PHYKPL: variants seen among roughly 807,000 people sequenced by gnomAD.
The protein encoded by PHYKPL is 5-phosphohydroxy-L-lysine phospho-lyase, also known as 5-phosphonooxy-L-lysine phospho-lyase.
Under a neutral mutation model 51.3 loss-of-function variants are expected in PHYKPL, and 42 were observed. The observed-to-expected ratio is 0.82, with a 90% CI of 0.64 to 1.06. PHYKPL has a LOEUF of 1.06. Ranked by LOEUF, PHYKPL falls within the 50% of genes least tolerant of loss-of-function variation. The pLI, the probability that PHYKPL is intolerant of heterozygous loss-of-function variation, is 0.00. For synonymous variants in PHYKPL, 264 were observed against 236.0 expected (o/e 1.12, Z -1.09); for missense variants, 655 against 586.6 (o/e 1.12, Z -1.20).
At chr5:178,217,226 ATT>A (rs58049202) in intron 8 of PHYKPL, among the ~76,000 whole-genome samples, 33 of 143,634 alleles carry the variant, frequency 2.3e-4, no homozygotes, top group African/African-American at 4.6e-4. Flanking sequence ...GGCTCAACAG[ATT>A]TTTTTTTTTT....
chr5:178,232,045 T>C, intron 1 of PHYKPL: 1 of 1,191,594 alleles, frequency 8.4e-7, no homozygotes, highest in Non-Finnish European at 1.1e-6. Flanking sequence ...GTGCTGCCTG[T>C]GAACCGACTC....
intron 6 of PHYKPL, 103 bp from the exon 7 acceptor site, chr5:178,223,037 T>A (rs1761516206): frequency 9.2e-7 from 1 of 1,088,528 alleles, no homozygotes; most frequent in African/African-American, 1.5e-5. Flanking sequence ...CAAGTCACCA[T>A]CAGTGCTGCA....
At chr5:178,224,892 G>C (rs1293503934) in intron 4 of PHYKPL, 163 bp from the exon 5 acceptor site, 1 of 598,118 alleles carries the variant, frequency 1.7e-6, no homozygotes, top group Non-Finnish European at 3.0e-6. Flanking sequence ...TTTGGAGTCA[G>C]CAACAATTCT....
At chr5:178,207,540 A>G (rs370285790), downstream of PHYKPL, among the ~76,000 whole-genome samples, 1 of 152,142 alleles carries the variant, frequency 6.6e-6, no homozygotes, top group East Asian at 1.9e-4. Flanking sequence ...TCTTGAGTCC[A>G]GGGGTATGAA....
At chr5:178,230,930 T>TG (rs1243920541) in intron 2 of PHYKPL, 1 of 155,390 alleles carries the variant, frequency 6.4e-6, no homozygotes. Flanking sequence ...TGCTTTTTTT[T>TG]TTTTTTTAAC....
At chr5:178,218,792 GT>G (rs1338623388) in intron 8 of PHYKPL, among the ~76,000 whole-genome samples, 2 of 152,182 alleles carry the variant, frequency 1.3e-5, no homozygotes, top group Non-Finnish European at 2.9e-5. Context: ...TTATAGGTGA[GT>G]TTTTACCTTC....
intron 9 of PHYKPL, 77 bp downstream of exon 9, chr5:178,215,199 G>C: frequency 8.1e-6 from 13 of 1,596,948 alleles, no homozygotes; most frequent in Non-Finnish European, 1.1e-5. Flanking sequence ...ACCATCCCAG[G>C]TTGTTAGGAG....
At position 178,231,499 on chromosome 5, in the gene PHYKPL, G is replaced by C; in HGVS notation, c.84C>G (p.Pro28=). 2 of 1,614,080 alleles carry C rather than the reference G, an allele frequency of 1.2e-6. No individual in the cohort carries two copies. Among genetic ancestry groups the C allele is most frequent in the Non-Finnish European group, 8.5e-7 (1 of 1,179,996 alleles). Residue 28 remains proline, a synonymous_variant, in exon 2 of 13, where the codon CCC becomes CCG. Coordinates refer to ENST00000308158, the MANE Select transcript of PHYKPL (RefSeq NM_153373.4). ...CCCGGACAATCTTAACAGGATCCTC[G>C]GGAAAAAAGAGTCTGCAGGAAGAGC... The part of the protein sequence containing the change: ...LISSSCRLFF[P]EDPVKIVRAQ...
chr5:178,229,811 G>T (rs1292249201), intron 3 of PHYKPL, 129 bp downstream of exon 3: 1 of 1,182,492 alleles, frequency 8.5e-7, no homozygotes, highest in Non-Finnish European at 1.2e-6. Flanking sequence ...GGAATCTCAG[G>T]AGCCTGGTGC....
At chr5:178,210,647 G>C (rs1463872021) in intron 12 of PHYKPL, 2 of 1,579,436 alleles carry the variant, frequency 1.3e-6, no homozygotes, top group Admixed American at 3.3e-5. Context: ...GCGACCAACT[G>C]ATCGCACACA....
intron 12 of PHYKPL, chr5:178,209,316 C>T (rs778444767): frequency 6.2e-7 from 1 of 1,611,074 alleles, no homozygotes; most frequent in South Asian, 1.1e-5. Context: ...GACCACTGTC[C>T]TCTTGACTTT....
At chr5:178,215,527 G>A in intron 8 of PHYKPL, 97 bp from the exon 9 acceptor site, 1 of 1,425,802 alleles carries the variant, frequency 7.0e-7, no homozygotes. Context: ...GTGTTCCAAG[G>A]CCAGTGGCAA....
At chr5:178,230,831 G>C (rs1338977373) in intron 2 of PHYKPL, 1 of 154,660 alleles carries the variant, frequency 6.5e-6, no homozygotes, top group East Asian at 1.9e-4. Context: ...GCAAACTGAG[G>C]CACTGAGAAT....
chr5:178,218,903 A>G (rs1760520357), intron 8 of PHYKPL, among the ~76,000 whole-genome samples: 1 of 152,198 alleles, frequency 6.6e-6, no homozygotes, highest in South Asian at 2.1e-4. Context: ...AACCCAAGGT[A>G]TAAGAAAAAA....
chr5:178,223,159 C>T (rs896990420), intron 6 of PHYKPL, among the ~76,000 whole-genome samples: 10 of 152,150 alleles, frequency 6.6e-5, no homozygotes, highest in Admixed American at 3.3e-4. Flanking sequence ...ACTTGGCATG[C>T]CCCAAACTAC....
At chr5:178,223,115 A>C (rs1208092876) in intron 6 of PHYKPL, among the ~76,000 whole-genome samples, 181 bp from the exon 7 acceptor site, 1 of 151,988 alleles carries the variant, frequency 6.6e-6, no homozygotes, top group African/African-American at 2.4e-5. Context: ...CCTCCAGCCA[A>C]CTCTTACTAC....
chr5:178,232,461 G>A, intron 1 of PHYKPL, 31 bp downstream of exon 1: 2 of 1,355,996 alleles, frequency 1.5e-6, no homozygotes, highest in Non-Finnish European at 1.9e-6. Context: ...GCAGCCCCGC[G>A]CCCCCCGCCG....
In PHYKPL at chr5:178,224,544, G is replaced by C. The variant is rs369148983; in HGVS notation, c.522C>G (p.Tyr174Ter). The change falls in exon 6 of 13, where the codon TAC (tyrosine) becomes TAG (stop). Residue 174 changes from tyrosine to a stop codon, truncating the protein, a stop_gained. Coordinates refer to ENST00000308158, the MANE Select transcript of PHYKPL (RefSeq NM_153373.4). LOFTEE classifies it high-confidence loss of function. ...GGTGGTCCTCCCGGTAGGGGCCCCG[G>C]TAGGTGTCTGGGAGAGGTGCCTGTG... is the stretch of plus-strand genomic sequence containing the variant. ...WVHVAPLPDT[Y>*]RGPYREDHPN... The C allele has an allele frequency of 1.9e-6, 3 of 1,614,120 alleles. No individual in the cohort carries two copies. The highest frequency in any genetic ancestry group is 2.7e-5 in the African/African-American group (2 of 74,950).
chr5:178,220,159 C>T (rs925014635), intron 8 of PHYKPL, among the ~76,000 whole-genome samples: 1 of 143,422 alleles, frequency 7.0e-6, no homozygotes, highest in African/African-American at 2.6e-5. Context: ...CGCGTCACTG[C>T]ACTCCAGCCT....
Sources: gnomAD v4.1 joint callset for allele counts (sites outside exome capture counted in the v4.1 genomes callset) on GRCh38, gnomAD v4.1.1 for gene constraint, MANE v1.5 for transcripts, NCBI Gene and HGNC (gene_info 2026-07-23, HGNC 2026-07-21) for gene names.